The following HELLS variants were observed in gnomAD, a reference collection of about 807,000 sequenced individuals.
HELLS encodes the protein lymphoid-specific helicase.
Under a neutral mutation model 120.0 loss-of-function variants are expected in HELLS, and 32 were observed. That is an observed-to-expected ratio of 0.27 (90% CI 0.20 to 0.36). HELLS has a LOEUF of 0.36. HELLS is among the 10% of genes least tolerant of loss of function. HELLS has a pLI of 1.00. For missense variants in HELLS, 650 were observed against 993.4 expected, an observed-to-expected ratio of 0.65 and a Z score of 4.65; for synonymous variants, 341 against 323.4, an observed-to-expected ratio of 1.05 and a Z score of -0.58.
At position 94,590,770 on chromosome 10, in the gene HELLS, A is replaced by G. The variant is rs1430944969; in HGVS notation, c.1761A>G (p.Glu587=). Residue 587 remains glutamate, a synonymous_variant, in exon 15 of 22, where the codon GAA becomes GAG. Coordinates refer to ENST00000348459, the MANE Select transcript of HELLS (RefSeq NM_018063.5). ...IEYPIDPVTQ[E]FKIDEELVTN... is the part of the protein sequence containing the mutation. ...ATCCTATAGACCCTGTTACACAAGA[A>G]TTTAAGGTGAATACTGTTTAATTCT... 6.7e-7 allele frequency: 1 copy of G among 1,500,354 alleles called. No homozygotes were observed. Among genetic ancestry groups the G allele is most frequent in the Non-Finnish European group, 9.1e-7 (1 of 1,095,740 alleles). 92.9% of individuals were successfully genotyped at this position (1,500,354 alleles called of 1,614,324 possible).
chr10:94,565,475 A>G (rs918066821), intron 6 of HELLS, among the ~76,000 whole-genome samples: 6 of 152,194 alleles, frequency 3.9e-5, no homozygotes, highest in African/African-American at 1.4e-4. Context: ...GGATCACCTG[A>G]TGTCAAGAGT....
chr10:94,602,803 A>C (rs1029191932), downstream of HELLS, among the ~76,000 whole-genome samples: 2 of 152,202 alleles, frequency 1.3e-5, no homozygotes, highest in Non-Finnish European at 2.9e-5. Flanking sequence ...GTTAAATAAA[A>C]GACTATAGAG....
chr10:94,563,083 A>G (rs185624428), intron 6 of HELLS, among the ~76,000 whole-genome samples: 1 of 152,100 alleles, frequency 6.6e-6, no homozygotes, highest in Admixed American at 6.5e-5. Flanking sequence ...TCTGAAACTA[A>G]TGTCATCTGA....
intron 10 of HELLS, among the ~76,000 whole-genome samples, chr10:94,579,656 C>T (rs1020812888): frequency 6.6e-6 from 1 of 151,832 alleles, no homozygotes; most frequent in African/African-American, 2.4e-5. Flanking sequence ...ATTCTCCTAC[C>T]TCTGTCTCCT....
chr10:94,588,689 A>C (rs1396931237), intron 13 of HELLS, among the ~76,000 whole-genome samples: 1 of 152,078 alleles, frequency 6.6e-6, no homozygotes, highest in Non-Finnish European at 1.5e-5. Flanking sequence ...CCTAAATTCC[A>C]GTTTTAAGGT....
At chr10:94,576,391 A>G (rs946218384) in intron 9 of HELLS, among the ~76,000 whole-genome samples, 1 of 151,718 alleles carries the variant, frequency 6.6e-6, no homozygotes, top group African/African-American at 2.4e-5. Flanking sequence ...GACTTTAGAG[A>G]TCGGCTTGCC....
At chr10:94,567,783 CTT>C (rs1475130306) in intron 6 of HELLS, among the ~76,000 whole-genome samples, 2 of 152,042 alleles carry the variant, frequency 1.3e-5, no homozygotes, top group Admixed American at 6.6e-5. Flanking sequence ...TGGTGCATGA[CTT>C]TGGTCCCAGC....
intron 13 of HELLS, 34 bp downstream of exon 13, chr10:94,588,424 C>A: frequency 6.9e-7 from 1 of 1,451,056 alleles, no homozygotes; most frequent in Non-Finnish European, 9.2e-7. Context: ...GTAAATGAAA[C>A]TTGACATATA....
Position 94,585,464 on chromosome 10 carries a change from G to A in HELLS, c.1326+2405G>A, listed in dbSNP as rs373351360. ...TGCCCAGGCCTGGAGTGCAGTGAGC[G>A]TCTGCCTCCCAGGTTCAAGCGATTT... On this transcript the variant is annotated intron_variant, in intron 12 of 21. Transcript: ENST00000348459. Among the ~76,000 whole-genome samples, 12 of 145,308 alleles carry A rather than the reference G, an allele frequency of 8.3e-5. No homozygotes were observed. In the East Asian group the frequency reaches 1.2e-3, roughly 15 times the overall value.
chr10:94,549,738 A>AGTTTAATAAT (rs1284107242), intron 2 of HELLS, among the ~76,000 whole-genome samples: 1 of 152,156 alleles, frequency 6.6e-6, no homozygotes, highest in African/African-American at 2.4e-5. Flanking sequence ...CTTTTAATAG[A>AGTTTAATAAT]TGGAGTTGCA....
intron 21 of HELLS, among the ~76,000 whole-genome samples, chr10:94,601,055 T>G (rs1846012806): frequency 6.6e-6 from 1 of 152,178 alleles, no homozygotes; most frequent in South Asian, 2.1e-4. Context: ...AAATCAGATT[T>G]CATTTCACAG....
intron 12 of HELLS, among the ~76,000 whole-genome samples, chr10:94,586,848 C>A (rs1016734174): frequency 6.6e-6 from 1 of 152,000 alleles, no homozygotes; most frequent in East Asian, 1.9e-4. Flanking sequence ...CCCGCCACCA[C>A]GCCTGACTAA....
intron 6 of HELLS, among the ~76,000 whole-genome samples, chr10:94,566,040 G>A (rs1843781045): frequency 6.6e-5 from 10 of 151,994 alleles, no homozygotes; most frequent in Admixed American, 6.6e-4. Flanking sequence ...CTACATGCCT[G>A]TGCCACCAGG....
At chr10:94,579,718 T>A (rs1414093085) in intron 10 of HELLS, among the ~76,000 whole-genome samples, 1 of 151,912 alleles carries the variant, frequency 6.6e-6, no homozygotes, top group East Asian at 1.9e-4. Context: ...ATTCTTGTAT[T>A]TTTTTGTAGG....
chr10:94,557,676 G>A (rs1171126769), intron 3 of HELLS, among the ~76,000 whole-genome samples: 1 of 152,208 alleles, frequency 6.6e-6, no homozygotes, highest in Non-Finnish European at 1.5e-5. Context: ...CAGCCTGAGA[G>A]AGAGATAACA....
At chr10:94,574,797 A>G in intron 9 of HELLS, 61 bp downstream of exon 9, 1 of 1,326,136 alleles carries the variant, frequency 7.5e-7, no homozygotes, top group Non-Finnish European at 1.1e-6. Context: ...GCTTTGTTGT[A>G]GTAGGAATTA....
chr10:94,586,346 C>T (rs756685531), intron 12 of HELLS, among the ~76,000 whole-genome samples: 1 of 152,176 alleles, frequency 6.6e-6, no homozygotes, highest in Non-Finnish European at 1.5e-5. Flanking sequence ...TGGTCTCGAT[C>T]TCCTGACCTC....
downstream of HELLS, among the ~76,000 whole-genome samples, chr10:94,602,253 A>G (rs1846067628): frequency 6.6e-6 from 1 of 152,164 alleles, no homozygotes. Flanking sequence ...TTGTGTTAGC[A>G]CAAGAGAAGT....
intron 12 of HELLS, among the ~76,000 whole-genome samples, chr10:94,585,385 G>GTTTTTTTTTTT (rs10540229): frequency 8.2e-6 from 1 of 122,014 alleles, no homozygotes; most frequent in Non-Finnish European, 1.7e-5. Context: ...GTTTGTTTTT[G>GTTTTTTTTTTT]TTTTTTTTTT....
Sources: allele counts gnomAD v4.1 joint callset (sites outside exome capture counted in the v4.1 genomes callset), GRCh38; gene constraint gnomAD v4.1.1; transcripts MANE v1.5; gene names NCBI Gene and HGNC (gene_info 2026-07-23, HGNC 2026-07-21).